The following FAM24B variants were observed in gnomAD, a reference collection of about 807,000 sequenced individuals.
FAM24B encodes the protein family with sequence similarity 24 member B.
In FAM24B, 3 loss-of-function variants were observed where a neutral mutation model predicts 2.3. The observed-to-expected ratio is 1.29, with a 90% confidence interval of 0.59 to 3.32. FAM24B has a LOEUF of 3.32. Ranked by LOEUF, FAM24B falls within the 30% of genes most tolerant of loss-of-function variation. The pLI is 0.03. For missense variants in FAM24B, 98 were observed against 117.2 expected (o/e 0.84, Z 0.76); for synonymous variants, 36 against 46.3 (o/e 0.78, Z 0.90).
At chr10:122,858,720 A>G (rs970857560) in intron 1 of FAM24B, among the ~76,000 whole-genome samples, 8 of 152,132 alleles carry the variant, frequency 5.3e-5, no homozygotes, top group African/African-American at 1.9e-4. Context: ...TTACCCAGGT[A>G]GCCCTCACTG....
chr10:122,878,770 C>T (rs958347483), intron 1 of FAM24B, among the ~76,000 whole-genome samples: 2 of 150,594 alleles, frequency 1.3e-5, no homozygotes, highest in Admixed American at 6.7e-5. Flanking sequence ...TAAAACAAGA[C>T]TGGGTGATAA....
chr10:122,851,482 A>G (rs972232704), intron 2 of FAM24B, among the ~76,000 whole-genome samples: 2 of 152,228 alleles, frequency 1.3e-5, no homozygotes, highest in Non-Finnish European at 2.9e-5. Context: ...GTGTGACATC[A>G]ACGCTCTGGA....
intron 1 of FAM24B, among the ~76,000 whole-genome samples, chr10:122,877,992 G>A (rs1205272731): frequency 6.6e-6 from 1 of 152,172 alleles, no homozygotes; most frequent in Non-Finnish European, 1.5e-5. Flanking sequence ...AAACAAATGT[G>A]AGAATTATTT....
chr10:122,877,979 G>T (rs1050783135), intron 1 of FAM24B, among the ~76,000 whole-genome samples: 2 of 152,094 alleles, frequency 1.3e-5, no homozygotes, highest in Admixed American at 1.3e-4. Context: ...CAGATGGTTG[G>T]GAAAACAAAT....
intron 1 of FAM24B, among the ~76,000 whole-genome samples, chr10:122,876,169 T>C (rs1847973964): frequency 1.3e-5 from 2 of 152,340 alleles, no homozygotes; most frequent in Admixed American, 1.3e-4. Flanking sequence ...AATAAATTTT[T>C]CCTTTTGCCC....
chr10:122,871,109 T>A (rs1847891000), intron 1 of FAM24B, among the ~76,000 whole-genome samples: 1 of 152,048 alleles, frequency 6.6e-6, no homozygotes, highest in South Asian at 2.1e-4. Context: ...AAAATCAATG[T>A]ACAAAAATCA....
At chr10:122,879,101 G>A (rs1055214123) in intron 1 of FAM24B, among the ~76,000 whole-genome samples, 1 of 152,110 alleles carries the variant, frequency 6.6e-6, no homozygotes. Context: ...TCCCTCAGGC[G>A]ACCGCTCCAT....
At chr10:122,873,015 C>T (rs950429710) in intron 1 of FAM24B, among the ~76,000 whole-genome samples, 3 of 151,936 alleles carry the variant, frequency 2.0e-5, no homozygotes, top group African/African-American at 4.8e-5. Context: ...AAAAATAAAC[C>T]ATCTCCATAA....
chr10:122,875,650 T>C (rs1044203925), intron 1 of FAM24B, among the ~76,000 whole-genome samples: 11 of 152,164 alleles, frequency 7.2e-5, no homozygotes, highest in Non-Finnish European at 1.6e-4. Flanking sequence ...GTTTCCACAT[T>C]GTCATTGTCT....
At position 122,850,487 on chromosome 10, in the gene FAM24B, G is replaced by A. The variant is rs750572967; in HGVS notation, c.29C>T (p.Ala10Val). The change falls in exon 3 of 4, where the codon GCG (alanine) becomes GTG (valine). Residue 10 changes from alanine (A) to valine (V), a missense_variant. Coordinates refer to ENST00000368898, the MANE Select transcript of FAM24B (RefSeq NM_152644.3). MPVIAGGIL[A>V]ALLLLIVVVL... is the part of the protein sequence containing the mutation. ...GACAACTATCAGCAGGAGCAAGGCC[G>A]CCAGGATACCACCAGCGATGACAGG... 14 of 1,613,794 alleles carry A rather than the reference G, an allele frequency of 8.7e-6. No homozygotes were observed. Among genetic ancestry groups the A allele is most frequent in the South Asian group, 7.7e-5 (7 of 91,076 alleles).
At chr10:122,862,595 A>G (rs1347633348) in intron 1 of FAM24B, among the ~76,000 whole-genome samples, 4 of 152,202 alleles carry the variant, frequency 2.6e-5, no homozygotes, top group African/African-American at 9.7e-5. Context: ...ATAAATGAAT[A>G]AAAGGCCTTT....
intron 3 of FAM24B, among the ~76,000 whole-genome samples, chr10:122,850,133 G>C (rs948596410): frequency 6.6e-6 from 1 of 152,112 alleles, no homozygotes; most frequent in Non-Finnish European, 1.5e-5. Flanking sequence ...AACACCTGAT[G>C]GTAAACTTAG....
At chr10:122,866,461 C>T (rs1049161171) in intron 1 of FAM24B, among the ~76,000 whole-genome samples, 13 of 151,760 alleles carry the variant, frequency 8.6e-5, no homozygotes, top group African/African-American at 1.5e-4. Context: ...TGTACTGTGC[C>T]TCATAGATAC....
chr10:122,850,824 T>G, intron 2 of FAM24B: 2 of 312,596 alleles, frequency 6.4e-6, no homozygotes, highest in Admixed American at 4.3e-5. Flanking sequence ...GGGAAGAATC[T>G]TTCCCTTTCA....
At chr10:122,863,948 C>T (rs1348357583) in intron 1 of FAM24B, among the ~76,000 whole-genome samples, 4 of 152,166 alleles carry the variant, frequency 2.6e-5, no homozygotes, top group South Asian at 2.1e-4. Flanking sequence ...TTGTACCAGT[C>T]CCTGTGGAAA....
At chr10:122,859,114 T>C (rs535267049) in intron 1 of FAM24B, among the ~76,000 whole-genome samples, 15 of 152,254 alleles carry the variant, frequency 9.9e-5, no homozygotes, top group East Asian at 3.9e-4. Flanking sequence ...CTGATTCTAC[T>C]GGTAAAGACA....
At chr10:122,873,172 G>T (rs1163968666) in intron 1 of FAM24B, among the ~76,000 whole-genome samples, 1 of 152,094 alleles carries the variant, frequency 6.6e-6, no homozygotes, top group South Asian at 2.1e-4. Flanking sequence ...TGCCCTCTAG[G>T]ACTTGCACAG....
intron 1 of FAM24B, among the ~76,000 whole-genome samples, chr10:122,874,217 G>C (rs889037624): frequency 1.1e-4 from 16 of 152,298 alleles, no homozygotes; most frequent in Non-Finnish European, 2.2e-4. Flanking sequence ...GGTTGTTGAA[G>C]TCTCCAAGAG....
chr10:122,870,396 A>G (rs553868336), intron 1 of FAM24B, among the ~76,000 whole-genome samples: 1 of 152,204 alleles, frequency 6.6e-6, no homozygotes, highest in East Asian at 1.9e-4. Context: ...AAACTATTCC[A>G]ATCAATAGAA....
Sources: allele counts gnomAD v4.1 joint callset (sites outside exome capture counted in the v4.1 genomes callset), GRCh38; gene constraint gnomAD v4.1.1; transcripts MANE v1.5; gene names NCBI Gene and HGNC (gene_info 2026-07-23, HGNC 2026-07-21).